ATP7B: variants seen among roughly 807,000 people sequenced by gnomAD.
ATP7B encodes ATPase copper transporting beta, also known as copper-transporting ATPase 2.
Under a neutral mutation model 118.9 loss-of-function variants are expected in ATP7B, and 113 were observed. The ratio of observed to expected loss-of-function variants is 0.95; its 90% CI spans 0.82 to 1.11. The LOEUF (loss-of-function observed/expected upper bound fraction) is 1.11, where lower values mean the gene tolerates loss of function less well. ATP7B is among the 50% of genes most tolerant of loss of function. The pLI is 0.00. For synonymous variants in ATP7B, 777 were observed against 727.4 expected, an observed-to-expected ratio of 1.07 and a Z score of -1.10; for missense variants, 1,867 against 1,871.4, an observed-to-expected ratio of 1.00 and a Z score of 0.04.
At chr13:51,938,609 C>A (rs1403665973) in intron 17 of ATP7B, among the ~76,000 whole-genome samples, 2 of 152,192 alleles carry the variant, frequency 1.3e-5, no homozygotes, top group Non-Finnish European at 2.9e-5. Context: ...AGGCAGCCAT[C>A]CAGTGGTGCT....
At chr13:51,946,262 G>T (rs757887853) in intron 13 of ATP7B, 22 bp downstream of exon 13, 3 of 1,559,136 alleles carry the variant, frequency 1.9e-6, no homozygotes, top group Non-Finnish European at 2.6e-6. Context: ...TCAGGATGGG[G>T]AAAGCCGTGC....
chr13:51,943,550 C>T (rs751663131), intron 14 of ATP7B, among the ~76,000 whole-genome samples: 7 of 152,296 alleles, frequency 4.6e-5, no homozygotes, highest in Non-Finnish European at 1.0e-4. Flanking sequence ...GTGACGCGTT[C>T]TGCTGCCCCT....
At chr13:51,973,788 T>TA in intron 2 of ATP7B, 147 bp downstream of exon 2, 1 of 1,236,870 alleles carries the variant, frequency 8.1e-7, no homozygotes, top group Non-Finnish European at 1.2e-6. Context: ...TTAACAAATT[T>TA]AACATGCAAG....
In ATP7B at chr13:51,973,875, C is replaced by A; in HGVS notation, c.1285+60G>T. The A allele has an allele frequency of 1.9e-6, 3 of 1,607,022 alleles. No homozygotes were observed. The Middle Eastern group carries it at 5.3e-4, about 286-fold the overall frequency. On this transcript the variant is annotated intron_variant, in intron 2 of 20. Transcript: ENST00000242839. ...GCTCACCTATACCACCATCCAGGAG[C>A]TATAAGACACAAAGAGAAAAGGAGA...
At chr13:51,961,294 C>T (rs1033245785) in intron 6 of ATP7B, among the ~76,000 whole-genome samples, 1 of 151,904 alleles carries the variant, frequency 6.6e-6, no homozygotes, top group Non-Finnish European at 1.5e-5. Context: ...GCACACTGCC[C>T]TGCACACAAC....
At chr13:51,954,732 G>A (rs543682996) in intron 9 of ATP7B, among the ~76,000 whole-genome samples, 2 of 152,256 alleles carry the variant, frequency 1.3e-5, no homozygotes, top group African/African-American at 4.8e-5. Flanking sequence ...AAAAAGTGGG[G>A]GAAGGTGAAG....
intron 1 of ATP7B, among the ~76,000 whole-genome samples, chr13:52,006,361 T>C (rs1288993496): frequency 2.0e-5 from 3 of 152,206 alleles, no homozygotes; most frequent in African/African-American, 7.2e-5. Context: ...CTTAGTTTAT[T>C]ACCCTGCTCC....
chr13:51,943,493 A>G (rs1222407809), intron 14 of ATP7B, among the ~76,000 whole-genome samples: 3 of 152,212 alleles, frequency 2.0e-5, no homozygotes, highest in Non-Finnish European at 4.4e-5. Context: ...ATTTACTGCT[A>G]ACAGTATTGC....
intron 1 of ATP7B, among the ~76,000 whole-genome samples, chr13:51,981,258 G>A (rs540952580): frequency 6.6e-6 from 1 of 152,296 alleles, no homozygotes; most frequent in East Asian, 1.9e-4. Context: ...ATGCAGAAAA[G>A]TGAAATGAAA....
At position 51,934,996 on chromosome 13, in the gene ATP7B, T is replaced by C. The variant is rs1956873265; in HGVS notation, c.4158A>G (p.Ala1386=). ...GGGGCTTCATGTGGCCATGCGCCTG[T>C]GCCTCATACCTCTCCAGGTCAGGCT... is the stretch of plus-strand genomic sequence containing the variant. ...YKKPDLERYE[A]QAHGHMKPLT... Residue 1386 remains alanine, a synonymous_variant, in exon 21 of 21, where the codon GCA becomes GCG. Coordinates refer to ENST00000242839, the MANE Select transcript of ATP7B (RefSeq NM_000053.4). 1.9e-6 allele frequency: 3 copies of C among 1,614,040 alleles called. No homozygotes were observed. Among genetic ancestry groups the C allele is most frequent in the Non-Finnish European group, 2.5e-6 (3 of 1,180,026 alleles).
chr13:51,980,952 G>T (rs1333679365), intron 1 of ATP7B, among the ~76,000 whole-genome samples: 1 of 152,134 alleles, frequency 6.6e-6, no homozygotes, highest in African/African-American at 2.4e-5. Context: ...AAAAAGTCCG[G>T]ATTCTTTCAT....
intron 1 of ATP7B, among the ~76,000 whole-genome samples, chr13:51,977,912 T>C (rs1014654443): frequency 4.6e-5 from 7 of 152,222 alleles, no homozygotes; most frequent in Non-Finnish European, 8.8e-5. Flanking sequence ...AAGGATGACA[T>C]GGTATAACAA....
chr13:51,947,697 T>C (rs1957753301), intron 12 of ATP7B, among the ~76,000 whole-genome samples: 2 of 152,228 alleles, frequency 1.3e-5, no homozygotes, highest in Non-Finnish European at 2.9e-5. Flanking sequence ...ATAAAGATTA[T>C]GTAATCTTTT....
At chr13:52,005,883 C>G (rs1048271994) in intron 1 of ATP7B, among the ~76,000 whole-genome samples, 1 of 152,328 alleles carries the variant, frequency 6.6e-6, no homozygotes, top group Middle Eastern at 3.4e-3. Flanking sequence ...TAAACAAAAT[C>G]TCTGCAGCAC....
intron 2 of ATP7B, 72 bp from the exon 3 acceptor site, chr13:51,970,821 G>C (rs1436246508): frequency 5.9e-6 from 9 of 1,535,024 alleles, no homozygotes; most frequent in Non-Finnish European, 8.0e-6. Context: ...AGAGGTTTCA[G>C]GGCTCTTGGT....
intron 9 of ATP7B, among the ~76,000 whole-genome samples, chr13:51,950,891 T>TGC (rs1163945928): frequency 6.6e-6 from 1 of 151,818 alleles, no homozygotes; most frequent in Non-Finnish European, 1.5e-5. Context: ...GCAGGAAGGG[T>TGC]GCGTCTGAGA....
At chr13:51,958,573 A>G in intron 7 of ATP7B, 29 bp from the exon 8 acceptor site, 3 of 1,599,556 alleles carry the variant, frequency 1.9e-6, no homozygotes, top group Non-Finnish European at 2.6e-6. Flanking sequence ...GAAGGCTGCC[A>G]GCAAGTAGGG....
chr13:51,953,851 TAAAA>T (rs561139788), intron 9 of ATP7B, among the ~76,000 whole-genome samples: 7 of 94,374 alleles, frequency 7.4e-5, no homozygotes, highest in Admixed American at 4.7e-4. Context: ...CCATCAATTG[TAAAA>T]AAAAAAAAAA....
rs1060499593 is a variant in ATP7B at position 51,970,657 on chromosome 13, CCACT to C, written c.1374_1377del (p.Val459LeufsTer38). 3.1e-6 allele frequency: 5 copies of C among 1,614,144 alleles called. No homozygotes were observed. Among genetic ancestry groups the C allele is most frequent in the Non-Finnish European group, 4.2e-6 (5 of 1,180,020 alleles). ...GCAGGGAGCCTCCCAGTGTGGGGAG[CCACT>C]TCCTGCACAGATGTAGGTGTACCAT... On this transcript the variant is annotated frameshift_variant, in exon 3 of 21. Transcript: ENST00000242839. LOFTEE classifies it high-confidence loss of function.
Sources: gnomAD v4.1 joint callset for allele counts (sites outside exome capture counted in the v4.1 genomes callset) on GRCh38, gnomAD v4.1.1 for gene constraint, MANE v1.5 for transcripts, NCBI Gene and HGNC (gene_info 2026-07-23, HGNC 2026-07-21) for gene names.